The following DMD variants were observed in gnomAD, a reference collection of about 807,000 sequenced individuals.
DMD encodes mutant dystrophin.
In DMD, 63 loss-of-function variants were observed where a neutral mutation model predicts 330.1. The ratio of observed to expected loss-of-function variants is 0.19; its 90% CI spans 0.16 to 0.24. DMD has a LOEUF of 0.24. Ranked by LOEUF, DMD falls within the 10% of genes least tolerant of loss-of-function variation. The probability of loss-of-function intolerance (pLI) is 1.00; values close to 1 mark genes in which losing one functional copy is unlikely to be tolerated. For synonymous variants in DMD, 1,223 were observed against 959.8 expected, an observed-to-expected ratio of 1.27 and a Z score of -5.07; for missense variants, 3,344 against 2,684.1, an observed-to-expected ratio of 1.25 and a Z score of -5.43.
At chrX:33,323,932 T>C (rs868717190) in intron 1 of DMD, among the ~76,000 whole-genome samples, 22 of 111,416 alleles carry the variant, frequency 2.0e-4, no homozygotes, top group Non-Finnish European at 4.0e-4. Flanking sequence ...CCCAGAATGG[T>C]AATGACTGTT....
chrX:32,681,989 A>G (rs2062460218), intron 9 of DMD, among the ~76,000 whole-genome samples: 1 of 111,633 alleles, frequency 9.0e-6, no homozygotes, highest in Admixed American at 9.5e-5. Flanking sequence ...TGCTTGGCGT[A>G]TTTGATGCCA....
chrX:32,437,288 G>C (rs1020812121), intron 29 of DMD, among the ~76,000 whole-genome samples: 9 of 111,891 alleles, frequency 8.0e-5, no homozygotes, highest in African/African-American at 2.9e-4. Context: ...GGTGCTGCTG[G>C]TACATTTGCA....
At chrX:31,676,572 C>T (rs776889883) in intron 53 of DMD, among the ~76,000 whole-genome samples, 2 of 110,978 alleles carry the variant, frequency 1.8e-5, no homozygotes, top group Admixed American at 1.9e-4. Flanking sequence ...TTTTCAGATT[C>T]TTATGGGGTT....
intron 44 of DMD, among the ~76,000 whole-genome samples, chrX:32,205,003 T>TCACACACA (rs1569550722): frequency 2.9e-5 from 1 of 34,731 alleles, no homozygotes; most frequent in African/African-American, 1.2e-4. Flanking sequence ...TCTCTCTCTC[T>TCACACACA]CTCACATACA....
intron 9 of DMD, among the ~76,000 whole-genome samples, chrX:32,696,949 A>G (rs1166550965): frequency 1.8e-5 from 2 of 111,312 alleles, no homozygotes; most frequent in African/African-American, 6.5e-5. Context: ...ATAAATTACT[A>G]ATTAAATGCA....
chrX:32,975,112 A>G (rs2092501274), intron 2 of DMD, among the ~76,000 whole-genome samples: 1 of 111,038 alleles, frequency 9.0e-6, no homozygotes, highest in Non-Finnish European at 1.9e-5. Context: ...CTGCTTATCT[A>G]GACCTTGAAG....
chrX:32,520,285 C>T (rs2046294100), intron 17 of DMD, among the ~76,000 whole-genome samples: 1 of 111,943 alleles, frequency 8.9e-6, no homozygotes, highest in East Asian at 2.8e-4. Flanking sequence ...CTCTCTTCAG[C>T]GATGTTAACT....
chrX:32,246,127 G>A (rs113309317), intron 43 of DMD, among the ~76,000 whole-genome samples: 455 of 82,354 alleles, frequency 5.5e-3, no homozygotes, highest in Middle Eastern at 0.012. Context: ...ATTATTTTGA[G>A]ATATGTCCCA....
intron 43 of DMD, among the ~76,000 whole-genome samples, chrX:32,280,150 ATATATATATATACAG>A (rs1203710649): frequency 0.1 from 2,048 of 20,240 alleles, 66 homozygotes; most frequent in African/African-American, 0.31. Flanking sequence ...TACAGTATAT[ATATATATATATACAG>A]TATATATATA....
chrX:32,834,854 G>T (rs2079472953), intron 4 of DMD, among the ~76,000 whole-genome samples: 1 of 111,335 alleles, frequency 9.0e-6, no homozygotes, highest in Non-Finnish European at 1.9e-5. Flanking sequence ...TATACCTTTT[G>T]TATGAATCTT....
At chrX:32,765,209 T>G (rs1029003103) in intron 7 of DMD, among the ~76,000 whole-genome samples, 19 of 111,130 alleles carry the variant, frequency 1.7e-4, no homozygotes, top group Non-Finnish European at 1.9e-5. Flanking sequence ...CATGTTGAAT[T>G]GTAATCCCCA....
At chrX:32,358,336 G>A (rs970812895) in intron 37 of DMD, among the ~76,000 whole-genome samples, 1 of 110,597 alleles carries the variant, frequency 9.0e-6, no homozygotes, top group African/African-American at 3.3e-5. Context: ...TTTTCCCGAT[G>A]GTATCCACTT....
intron 41 of DMD, among the ~76,000 whole-genome samples, chrX:32,327,267 C>G (rs2097655993): frequency 9.1e-6 from 1 of 109,460 alleles, no homozygotes; most frequent in African/African-American, 3.3e-5. Context: ...AAAAAATCTC[C>G]AAAAAAGGAT....
chrX:33,119,153 CTTGAACACA>C, intron 1 of DMD, among the ~76,000 whole-genome samples: 1 of 112,284 alleles, frequency 8.9e-6, no homozygotes, highest in East Asian at 2.8e-4. Context: ...TCTTTACTTC[CTTGAACACA>C]TTGTATATAT....
intron 2 of DMD, among the ~76,000 whole-genome samples, chrX:32,903,027 C>T (rs759785337): frequency 2.8e-5 from 3 of 105,509 alleles, no homozygotes; most frequent in Non-Finnish European, 5.8e-5. Context: ...CTTGGTGGCT[C>T]ATGCCTGTAG....
At chrX:31,458,090 G>A (rs756061738) in intron 59 of DMD, among the ~76,000 whole-genome samples, 2 of 111,369 alleles carry the variant, frequency 1.8e-5, no homozygotes, top group African/African-American at 3.3e-5. Flanking sequence ...AACAGAAAAC[G>A]AATTTTCTTC....
At chrX:31,372,222 A>C (rs1453030695) in intron 60 of DMD, among the ~76,000 whole-genome samples, 1 of 111,937 alleles carries the variant, frequency 8.9e-6, no homozygotes, top group African/African-American at 3.2e-5. Context: ...AACTGGCAAA[A>C]GTAGTGTTCT....
intron 54 of DMD, among the ~76,000 whole-genome samples, chrX:31,628,994 T>C (rs1305677452): frequency 9.4e-6 from 1 of 106,635 alleles, no homozygotes; most frequent in African/African-American, 3.4e-5. Context: ...AATATCTATA[T>C]AATAATAGCT....
At chrX:32,593,864 A>C (rs2149256250) in intron 13 of DMD, among the ~76,000 whole-genome samples, 1 of 112,678 alleles carries the variant, frequency 8.9e-6, no homozygotes, top group South Asian at 3.7e-4. Context: ...CTCTCTACGC[A>C]CTGACATCCT....
Sources: gnomAD v4.1 joint callset for allele counts (sites outside exome capture counted in the v4.1 genomes callset) on GRCh38, gnomAD v4.1.1 for gene constraint, MANE v1.5 for transcripts, NCBI Gene and HGNC (gene_info 2026-07-23, HGNC 2026-07-21) for gene names.